DOCK11: variants seen among roughly 807,000 people sequenced by gnomAD.
The protein encoded by DOCK11 is dedicator of cytokinesis 11, also known as dedicator of cytokinesis protein 11.
In DOCK11, 70 loss-of-function variants were observed where a neutral mutation model predicts 169.1. The observed-to-expected ratio is 0.41, with a 90% CI of 0.34 to 0.51. DOCK11 has a LOEUF of 0.51. Among genes scored for constraint, DOCK11 ranks in the 20% least tolerant of loss-of-function variants. DOCK11 has a pLI of 0.10. For synonymous variants in DOCK11, 529 were observed against 541.3 expected, an observed-to-expected ratio of 0.98 and a Z score of 0.32; for missense variants, 1,166 against 1,538.8, an observed-to-expected ratio of 0.76 and a Z score of 4.05.
chrX:118,655,749 C>T (rs2016050454), intron 44 of DOCK11, among the ~76,000 whole-genome samples: 1 of 111,989 alleles, frequency 8.9e-6, no homozygotes, highest in South Asian at 3.7e-4. Flanking sequence ...GAGCTGGCAA[C>T]CAAGAAATCT....
intron 28 of DOCK11, among the ~76,000 whole-genome samples, chrX:118,613,424 T>C (rs1403409386): frequency 8.9e-6 from 1 of 112,028 alleles, no homozygotes; most frequent in Non-Finnish European, 1.9e-5. Flanking sequence ...CTAGGCACTA[T>C]GAAGGATATA....
At chrX:118,626,680 A>C (rs2015113481) in intron 32 of DOCK11, among the ~76,000 whole-genome samples, 1 of 111,710 alleles carries the variant, frequency 9.0e-6, no homozygotes, top group Non-Finnish European at 1.9e-5. Context: ...AAGCTTTTCT[A>C]GTGGCTTGCT....
At chrX:118,662,568 A>G (rs368180615) in intron 44 of DOCK11, 118 bp from the exon 45 acceptor site, 1 of 414,637 alleles carries the variant, frequency 2.4e-6, no homozygotes, top group Non-Finnish European at 4.2e-6. Context: ...TGTACTTAAG[A>G]CTTTGATTCT....
intron 40 of DOCK11, among the ~76,000 whole-genome samples, chrX:118,647,754 T>TTA (rs752246108): frequency 2.1e-4 from 9 of 43,696 alleles, no homozygotes; most frequent in African/African-American, 1.0e-3. Flanking sequence ...TATATAATAA[T>TTA]ATATAATATA....
intron 24 of DOCK11, among the ~76,000 whole-genome samples, chrX:118,607,418 ATTT>A (rs56374019): frequency 2.0e-5 from 1 of 51,248 alleles, no homozygotes. Flanking sequence ...CCGGGCCTTC[ATTT>A]TTTTTTTTTT....
chrX:118,670,380 A>G (rs147968262), intron 45 of DOCK11, among the ~76,000 whole-genome samples: 1,976 of 111,572 alleles, frequency 0.018, 24 homozygotes, highest in Middle Eastern at 0.037. Flanking sequence ...AAGGTTCACA[A>G]AAGAGTTTTA....
At chrX:118,641,138 AT>A in intron 38 of DOCK11, 51 bp from the exon 39 acceptor site, 5 of 930,938 alleles carry the variant, frequency 5.4e-6, no homozygotes, top group African/African-American at 1.9e-5. Flanking sequence ...ATTCAACACC[AT>A]TATGTGCATC....
intron 24 of DOCK11, among the ~76,000 whole-genome samples, chrX:118,605,984 A>T (rs781021560): frequency 9.0e-6 from 1 of 111,161 alleles, no homozygotes; most frequent in East Asian, 2.8e-4. Context: ...TTTTCCAATT[A>T]TGTAAATGTT....
At chrX:118,624,751 TCA>T in intron 32 of DOCK11, 96 bp downstream of exon 32, 2 of 401,869 alleles carry the variant, frequency 5.0e-6, no homozygotes, top group Non-Finnish European at 8.3e-6. Flanking sequence ...CCTTAAGAGT[TCA>T]CTTTTTTTTT....
chrX:118,558,610 G>T (rs1195311732), intron 6 of DOCK11, among the ~76,000 whole-genome samples: 4 of 111,939 alleles, frequency 3.6e-5, no homozygotes, highest in African/African-American at 1.3e-4. Flanking sequence ...CTTTGCAAAA[G>T]ATATCTTAAA....
chrX:118,570,845 T>C (rs1289788418), intron 10 of DOCK11, among the ~76,000 whole-genome samples: 1 of 112,248 alleles, frequency 8.9e-6, no homozygotes, highest in East Asian at 2.8e-4. Flanking sequence ...TGTTCAGACA[T>C]TCAGCATGAA....
At chrX:118,613,621 G>A (rs1603118927) in intron 28 of DOCK11, among the ~76,000 whole-genome samples, 1 of 112,644 alleles carries the variant, frequency 8.9e-6, no homozygotes, top group East Asian at 2.8e-4. Flanking sequence ...AGAATTGCTA[G>A]GTGTGGCATA....
In DOCK11 at chrX:118,516,018, T is replaced by TATATATATATATATATATATATGC. The variant is rs1269373292; in HGVS notation, c.102+19946_102+19947insTATATATATATATATATATATGCA. On this transcript the variant is annotated intron_variant, in intron 1 of 52. Coordinates refer to ENST00000276202, the MANE Select transcript of DOCK11 (RefSeq NM_144658.4). ...GGATTTGGGCAAATATATATATATA[T>TATATATATATATATATATATATGC]ACATTCTTACACCAGAAAACTGTGC... 3.7e-5 allele frequency among the ~76,000 whole-genome samples: 3 copies of TATATATATATATATATATATATGC among 81,499 alleles called. 1 individual carries two copies. Among genetic ancestry groups the TATATATATATATATATATATATGC allele is most frequent in the Admixed American group, 2.5e-4 (2 of 7,879 alleles). The allele number at this position is 81,499 out of a possible 115,157, so 70.8% of individuals were successfully genotyped here.
In DOCK11 at chrX:118,609,311, T is replaced by C. The variant is rs2014619328; in HGVS notation, c.2911T>C (p.Ser971Pro). ...GTTTTTCTTTGAAATAATTGCAAAG[T>C]CAATGGCCACATACTTGTTGGAAGA... ...SWFFFEIIAK[S>P]MATYLLEENK... Residue 971 changes from serine to proline, a missense_variant, in exon 27 of 53, where the codon TCA becomes CCA. Ser to Pro is a moderately conservative substitution (Grantham distance 74). Transcript: ENST00000276202. 1 of 1,199,058 alleles carries C rather than the reference T, an allele frequency of 8.3e-7. No homozygotes were observed.
At chrX:118,505,086 C>T (rs775417302) in intron 1 of DOCK11, among the ~76,000 whole-genome samples, 32 of 112,344 alleles carry the variant, frequency 2.8e-4, no homozygotes, top group African/African-American at 1.0e-3. Context: ...TGCAGTGACA[C>T]GAACTTGGTT....
intron 1 of DOCK11, among the ~76,000 whole-genome samples, chrX:118,504,053 C>G (rs944238731): frequency 2.7e-5 from 3 of 110,674 alleles, no homozygotes; most frequent in African/African-American, 9.9e-5. Context: ...TTAAGGGAGA[C>G]TAGAAGTACG....
Position 118,598,134 on chromosome X carries a change from A to G in DOCK11, c.2472+18A>G. On this transcript the variant is annotated intron_variant, in intron 22 of 52. Coordinates refer to ENST00000276202, the MANE Select transcript of DOCK11 (RefSeq NM_144658.4). ...ACACTCAAGTAAGTTGCATCATTTG[A>G]ATTTTGTCAATTTTTATACTTGAGT... is the stretch of plus-strand genomic sequence containing the variant. 1 of 1,106,332 alleles carries G rather than the reference A, an allele frequency of 9.0e-7. No individual in the cohort carries two copies. Among genetic ancestry groups the G allele is most frequent in the Non-Finnish European group, 1.2e-6 (1 of 809,310 alleles). The allele number at this position is 1,106,332 out of a possible 1,213,427, so 91.2% of individuals were successfully genotyped here. A position where few individuals can be genotyped will look rare whatever the true frequency, so the allele number is the denominator to read the frequency against.
At chrX:118,685,562 G>A (rs2016839617) in intron 52 of DOCK11, 126 bp from the exon 53 acceptor site, 1 of 885,345 alleles carries the variant, frequency 1.1e-6, no homozygotes. Context: ...TGCTCTCTCT[G>A]CTTTCTGTCT....
At chrX:118,597,928 TA>T in intron 21 of DOCK11, 101 bp from the exon 22 acceptor site, 2 of 566,039 alleles carry the variant, frequency 3.5e-6, no homozygotes, top group Non-Finnish European at 5.4e-6. Context: ...GGTATGAAAT[TA>T]ATACATTCAT....
Sources: allele counts gnomAD v4.1 joint callset (sites outside exome capture counted in the v4.1 genomes callset), GRCh38; gene constraint gnomAD v4.1.1; transcripts MANE v1.5; gene names NCBI Gene and HGNC (gene_info 2026-07-23, HGNC 2026-07-21).